Variants in PLEKHG1 observed in about 807,000 individuals in gnomAD.
PLEKHG1 encodes pleckstrin homology domain-containing family G member 1.
In PLEKHG1, 44 loss-of-function variants were observed where a neutral mutation model predicts 100.8. The ratio of observed to expected loss-of-function variants is 0.44; its 90% CI spans 0.34 to 0.56. The LOEUF is 0.56. Ranked by LOEUF, PLEKHG1 falls within the 20% of genes least tolerant of loss-of-function variation. The pLI, the probability that PLEKHG1 is intolerant of heterozygous loss-of-function variation, is 0.01. For missense variants in PLEKHG1, 1,545 were observed against 1,720.9 expected, an observed-to-expected ratio of 0.90 and a Z score of 1.81; for synonymous variants, 640 against 662.5, an observed-to-expected ratio of 0.97 and a Z score of 0.52.
chr6:150,822,146 GA>G (rs1776337454), intron 13 of PLEKHG1, among the ~76,000 whole-genome samples: 1 of 49,514 alleles, frequency 2.0e-5, no homozygotes, highest in Middle Eastern at 0.02. Context: ...CAGCCCAAAG[GA>G]CTCAAAAAAA....
intron 4 of PLEKHG1, among the ~76,000 whole-genome samples, chr6:150,787,666 G>C (rs1190226084): frequency 6.6e-6 from 1 of 152,228 alleles, no homozygotes; most frequent in African/African-American, 2.4e-5. Context: ...GCTCTGGACT[G>C]TTCCACAGGG....
At chr6:150,752,561 G>C (rs1783580816) in intron 2 of PLEKHG1, among the ~76,000 whole-genome samples, 1 of 152,098 alleles carries the variant, frequency 6.6e-6, no homozygotes, top group Non-Finnish European at 1.5e-5. Context: ...TTTGCAGCTG[G>C]CTCATTTCAC....
intron 14 of PLEKHG1, 101 bp from the exon 16 acceptor site, chr6:150,830,481 G>T: frequency 2.5e-6 from 2 of 807,178 alleles, no homozygotes; most frequent in Admixed American, 5.1e-5. Context: ...GAATATTAAA[G>T]CCTAGTGGGG....
intron 2 of PLEKHG1, among the ~76,000 whole-genome samples, chr6:150,644,332 G>GGGTTTTTTTTTTTTTTTTTTTTTTT (rs1562404967): frequency 5.2e-5 from 5 of 96,560 alleles, no homozygotes; most frequent in South Asian, 3.4e-4. Context: ...TTTTCTTTTC[G>GGGTTTTTTTTTTTTTTTTTTTTTTT]TGTTTTTTTT....
rs924329899 is a variant in PLEKHG1, at chr6:150,691,899, CTG to C, written c.-99+41115_-99+41116del. ...CATTGGAGAGAATATGACTGAACCA[CTG>C]TAAGTTCTACCCAAACTGTGTTTCC... On this transcript the variant is annotated intron_variant, in intron 3 of 3. Coordinates refer to the PLEKHG1 transcript ENST00000367326. Among the ~76,000 whole-genome samples, 12 of 152,354 alleles carry C rather than the reference CTG, an allele frequency of 7.9e-5. 1 individual carries two copies. The South Asian group carries it at 2.1e-3, about 26-fold the overall frequency.
chr6:150,734,332 C>T (rs917512636), intron 2 of PLEKHG1, among the ~76,000 whole-genome samples: 38 of 152,152 alleles, frequency 2.5e-4, no homozygotes, highest in African/African-American at 9.2e-4. Context: ...AGTACCCATA[C>T]CAAGATGCTG....
chr6:150,685,856 A>T (rs956174483), intron 3 of PLEKHG1, among the ~76,000 whole-genome samples: 1 of 151,514 alleles, frequency 6.6e-6, no homozygotes, highest in Non-Finnish European at 1.5e-5. Flanking sequence ...GGGGGAAAAA[A>T]GAGTGAAATC....
At chr6:150,662,172 C>T (rs894642293) in intron 3 of PLEKHG1, among the ~76,000 whole-genome samples, 6 of 152,150 alleles carry the variant, frequency 3.9e-5, no homozygotes, top group Admixed American at 1.3e-4. Context: ...TTTTTCTCCT[C>T]CTGTCAGTCA....
intron 1 of PLEKHG1, among the ~76,000 whole-genome samples, chr6:150,724,748 C>T (rs1040969089): frequency 2.6e-5 from 4 of 151,742 alleles, no homozygotes; most frequent in East Asian, 1.9e-4. Context: ...TTAGTAGAGA[C>T]GGGGGTTTCA....
intron 2 of PLEKHG1, among the ~76,000 whole-genome samples, chr6:150,648,169 T>C (rs1778577284): frequency 6.6e-6 from 1 of 152,126 alleles, no homozygotes; most frequent in South Asian, 2.1e-4. Flanking sequence ...AACCAGTGCT[T>C]TTTAAATAAT....
intron 2 of PLEKHG1, among the ~76,000 whole-genome samples, chr6:150,759,613 A>G (rs375815711): frequency 5.7e-4 from 86 of 152,182 alleles, no homozygotes; most frequent in African/African-American, 2.1e-3. Context: ...GGAAAATGGG[A>G]TGAGTGGGAC....
rs1179659954 is a variant in PLEKHG1 at position 150,688,278 on chromosome 6, C to T, written c.-99+37492C>T. On this transcript the variant is annotated intron_variant, in intron 3 of 3. Transcript: ENST00000367326. Reference sequence around the variant, plus strand: ...AAGTGGCAAAGCAGGCCTGGAATCACATGTCCCAGACTCTTAATCTTACAT... The same window carrying T: ...AAGTGGCAAAGCAGGCCTGGAATCATATGTCCCAGACTCTTAATCTTACAT... Among the ~76,000 whole-genome samples, 2 of 151,960 alleles carry T rather than the reference C, an allele frequency of 1.3e-5. 1 individual carries two copies. The highest frequency in any genetic ancestry group is 1.3e-4 in the Admixed American group (2 of 15,252).
intron 2 of PLEKHG1, among the ~76,000 whole-genome samples, chr6:150,751,929 C>G (rs1420463195): frequency 6.6e-6 from 1 of 152,180 alleles, no homozygotes; most frequent in Admixed American, 6.5e-5. Context: ...TGGCTCACGC[C>G]CGTAATCCCA....
At chr6:150,818,150 A>G (rs776941105) in intron 10 of PLEKHG1, 33 bp from the exon 12 acceptor site, 2 of 1,575,514 alleles carry the variant, frequency 1.3e-6, no homozygotes, top group Non-Finnish European at 1.7e-6. Flanking sequence ...AAAAAAAGCA[A>G]TTGGAATTAC....
intron 2 of PLEKHG1, among the ~76,000 whole-genome samples, chr6:150,647,375 G>A (rs569142372): frequency 6.6e-6 from 1 of 152,134 alleles, no homozygotes; most frequent in South Asian, 2.1e-4. Flanking sequence ...TGAGTCTGTT[G>A]TCTAAAATTA....
chr6:150,797,834 CAAAAAAAAAAAAAAAA>C (rs58218481), intron 5 of PLEKHG1, among the ~76,000 whole-genome samples: 175 of 23,904 alleles, frequency 7.3e-3, no homozygotes, highest in Middle Eastern at 0.071. Flanking sequence ...GACTCTGTCT[CAAAAAAAAAAAAAAAA>C]AAAAAAAAAA....
chr6:150,626,327 G>A (rs78188801), intron 1 of PLEKHG1, among the ~76,000 whole-genome samples: 29,581 of 152,126 alleles, frequency 0.19, 3,014 homozygotes, highest in Middle Eastern at 0.26. Flanking sequence ...GCCTTCAGGC[G>A]AAGGCTCAGA....
Position 150,769,600 on chromosome 6 carries a change from A to AG in PLEKHG1, c.512+862_512+863insG, listed in dbSNP as rs1451770518. Among the ~76,000 whole-genome samples, 805 of 150,528 alleles carry AG rather than the reference A, an allele frequency of 5.3e-3. 9 individuals carry two copies. The highest frequency in any genetic ancestry group is 0.019 in the African/African-American group (758 of 40,518). Reference sequence around the variant, plus strand: ...ACTCCATCTCAAAAAAAAAAAAAAAAAAAGAAAGAAAAAAGAAAAAGAAAA... The same window carrying AG: ...ACTCCATCTCAAAAAAAAAAAAAAAAGAAAGAAAGAAAAAAGAAAAAGAAAA... On this transcript the variant is annotated intron_variant, in intron 3 of 15. Coordinates refer to ENST00000358517, the Ensembl canonical transcript of PLEKHG1.
chr6:150,830,936 G>A, exon 15 of PLEKHG1: 2 of 1,614,124 alleles, frequency 1.2e-6, no homozygotes, highest in Non-Finnish European at 1.7e-6. Context: ...TGTCAGGCGG[G>A]CCAGCAGTGC....
Sources: allele counts gnomAD v4.1 joint callset (sites outside exome capture counted in the v4.1 genomes callset), GRCh38; gene constraint gnomAD v4.1.1; transcripts MANE v1.5; gene names NCBI Gene and HGNC (gene_info 2026-07-23, HGNC 2026-07-21).